Variants in OTUD7A observed in about 807,000 individuals in gnomAD.
The protein encoded by OTUD7A is OTU domain-containing protein 7A.
In OTUD7A, 12 loss-of-function variants were observed where a neutral mutation model predicts 65.7. That is an observed-to-expected ratio of 0.18 (90% confidence interval 0.12 to 0.30). The LOEUF is 0.30. Among genes scored for constraint, OTUD7A ranks in the 10% least tolerant of loss-of-function variants. The pLI is 1.00. For synonymous variants in OTUD7A, 641 were observed against 586.3 expected, an observed-to-expected ratio of 1.09 and a Z score of -1.35; for missense variants, 1,148 against 1,304.8, an observed-to-expected ratio of 0.88 and a Z score of 1.85.
intron 1 of OTUD7A, among the ~76,000 whole-genome samples, chr15:31,675,300 C>G (rs958965866): frequency 6.6e-6 from 1 of 152,064 alleles, no homozygotes; most frequent in Non-Finnish European, 1.5e-5. Context: ...TCTAGAGATG[C>G]CATTACCAAC....
intron 3 of OTUD7A, among the ~76,000 whole-genome samples, chr15:31,646,167 A>C (rs964400027): frequency 6.6e-6 from 1 of 151,908 alleles, no homozygotes; most frequent in Non-Finnish European, 1.5e-5. Context: ...CTGAGTGCCC[A>C]CTCAGGACAG....
Position 31,498,047 on chromosome 15 carries a change from T to C in OTUD7A, c.1171+3643A>G, listed in dbSNP as rs2041413804. On this transcript the variant is annotated intron_variant, in intron 10 of 12. Transcript: ENST00000307050. The surrounding 1 kb of genome is among the most constrained non-coding windows in gnomAD (Gnocchi z 4.2). ...AGCTAACATGTACACATGGGTATGC[T>C]CTGCACGGCTCTATATCCACCCAAA... 6.6e-6 allele frequency among the ~76,000 whole-genome samples: 1 copy of C among 152,208 alleles called. No individual in the cohort carries two copies. Among genetic ancestry groups the C allele is most frequent in the South Asian group, 2.1e-4 (1 of 4,826 alleles).
intron 1 of OTUD7A, among the ~76,000 whole-genome samples, chr15:31,774,088 G>C (rs796897708): frequency 6.6e-6 from 1 of 152,232 alleles, no homozygotes; most frequent in South Asian, 2.1e-4. Flanking sequence ...CACTATGAGA[G>C]AATAGTCTGA....
chr15:31,573,122 T>C (rs1008160710), intron 3 of OTUD7A, among the ~76,000 whole-genome samples: 1 of 152,172 alleles, frequency 6.6e-6, no homozygotes, highest in Admixed American at 6.5e-5. Context: ...TTTTTAAATA[T>C]GTAAGCAAAA....
In OTUD7A at chr15:31,484,598, C is replaced by T. The variant is rs765651339; in HGVS notation, c.1498G>A (p.Gly500Ser). Residue 500 changes from glycine to serine, a missense_variant, in exon 13 of 13, where the codon GGC becomes AGC. Coordinates refer to ENST00000307050, the MANE Select transcript of OTUD7A (RefSeq NM_001382637.1). This position sits in a 1 kb window ranked among gnomAD's most constrained non-coding sequence, Gnocchi z 4.5. Reference protein sequence around the residue: ...SNSNSNNGKNGKDKEKEKQRK... With the variant: ...SNSNSNNGKNSKDKEKEKQRK... The stretch of plus-strand genomic sequence containing the variant: ...TGCTTCTCCTTCTCCTTGTCCTTGC[C>T]GTTCTTGCCGTTATTGCTGTTAGAA... The T allele has an allele frequency of 2.0e-5, 32 of 1,606,646 alleles. No individual in the cohort carries two copies. In the South Asian group the frequency reaches 3.4e-4, roughly 17 times the overall value.
chr15:31,768,608 G>A (rs562795405), intron 1 of OTUD7A, among the ~76,000 whole-genome samples: 44 of 151,782 alleles, frequency 2.9e-4, no homozygotes, highest in African/African-American at 8.7e-4. Context: ...GCAATGAACC[G>A]AGATCGTGCC....
At chr15:31,604,404 T>C (rs1890174212) in intron 3 of OTUD7A, among the ~76,000 whole-genome samples, 1 of 147,310 alleles carries the variant, frequency 6.8e-6, no homozygotes, top group Admixed American at 6.8e-5. Context: ...TGAGAACACA[T>C]GGACACACAG....
chr15:31,847,896 C>T (rs989031414), intron 1 of OTUD7A, among the ~76,000 whole-genome samples: 1 of 152,098 alleles, frequency 6.6e-6, no homozygotes, highest in African/African-American at 2.4e-5. Flanking sequence ...GAAGGAAGTG[C>T]CACACATTTT....
At chr15:31,870,353 C>G (rs1338024546) in intron 1 of OTUD7A, among the ~76,000 whole-genome samples, 154 bp downstream of exon 1, 1 of 146,286 alleles carries the variant, frequency 6.8e-6, no homozygotes, top group Non-Finnish European at 1.5e-5. Flanking sequence ...CCCCGCGCCC[C>G]GGCCCCGCGG....
intron 3 of OTUD7A, among the ~76,000 whole-genome samples, chr15:31,634,729 C>T (rs1442742835): frequency 7.9e-5 from 12 of 152,256 alleles, no homozygotes; most frequent in Non-Finnish European, 1.8e-4. Flanking sequence ...GTCCCGTTCC[C>T]CTGTGCTTCA....
intron 1 of OTUD7A, among the ~76,000 whole-genome samples, chr15:31,861,835 G>T (rs1287902507): frequency 2.6e-5 from 4 of 152,186 alleles, no homozygotes; most frequent in South Asian, 2.1e-4. Flanking sequence ...ATCTAATGCT[G>T]TACTTGCAAA....
chr15:31,683,702 ATTAT>A (rs1470517961), intron 1 of OTUD7A, among the ~76,000 whole-genome samples: 14 of 152,296 alleles, frequency 9.2e-5, no homozygotes, highest in East Asian at 7.7e-4. Context: ...TATTGTGGCC[ATTAT>A]TTATGTATTT....
At chr15:31,647,485 T>C (rs894037589) in intron 3 of OTUD7A, among the ~76,000 whole-genome samples, 2 of 152,246 alleles carry the variant, frequency 1.3e-5, no homozygotes, top group African/African-American at 4.8e-5. Context: ...TACCTCGTCA[T>C]AGAAACTTCT....
chr15:31,488,596 G>A (rs2041272603), intron 10 of OTUD7A, among the ~76,000 whole-genome samples: 1 of 152,204 alleles, frequency 6.6e-6, no homozygotes, highest in Non-Finnish European at 1.5e-5. Flanking sequence ...ACACACAGCA[G>A]AGAAGCACAG....
intron 1 of OTUD7A, among the ~76,000 whole-genome samples, chr15:31,732,274 G>A (rs150743298): frequency 4.9e-4 from 75 of 152,294 alleles, no homozygotes; most frequent in African/African-American, 1.7e-3. Context: ...TTCCTGACTG[G>A]TACACATGCG....
chr15:31,645,024 T>A (rs923042962), intron 3 of OTUD7A, among the ~76,000 whole-genome samples: 13 of 152,178 alleles, frequency 8.5e-5, no homozygotes, highest in African/African-American at 3.1e-4. Context: ...CCTCTGTGAA[T>A]CGCTGCAGTT....
At chr15:31,823,706 G>A (rs969447570) in intron 1 of OTUD7A, among the ~76,000 whole-genome samples, 7 of 152,142 alleles carry the variant, frequency 4.6e-5, no homozygotes, top group Non-Finnish European at 7.3e-5. Flanking sequence ...CTGATTGCAC[G>A]TGTACCTTAG....
At chr15:31,703,019 C>T in intron 1 of OTUD7A, among the ~76,000 whole-genome samples, 1 of 151,516 alleles carries the variant, frequency 6.6e-6, no homozygotes, top group East Asian at 1.9e-4. Flanking sequence ...AAGGGACAGG[C>T]ATAGGCACAA....
intron 5 of OTUD7A, among the ~76,000 whole-genome samples, chr15:31,539,558 G>A (rs1887924800): frequency 1.3e-5 from 2 of 152,100 alleles, no homozygotes; most frequent in Non-Finnish European, 1.5e-5. Context: ...CAAATGTAAC[G>A]CATAAAGTTG....
Sources: allele counts gnomAD v4.1 joint callset (sites outside exome capture counted in the v4.1 genomes callset), GRCh38; gene constraint gnomAD v4.1.1; non-coding constraint Gnocchi (gnomAD v3.1); transcripts MANE v1.5; gene names NCBI Gene and HGNC (gene_info 2026-07-23, HGNC 2026-07-21).